Variants in STK39 observed in about 807,000 individuals in gnomAD.
The protein encoded by STK39 is STE20/SPS1-related proline-alanine-rich protein kinase.
STK39 carries 20 observed loss-of-function variants against 77.8 expected under a neutral mutation model. The observed-to-expected ratio is 0.26, with a 90% confidence interval of 0.18 to 0.37. The LOEUF (loss-of-function observed/expected upper bound fraction) is 0.37, where lower values mean the gene tolerates loss of function less well. Among genes scored for constraint, STK39 ranks in the 10% least tolerant of loss-of-function variants. The pLI is 1.00. For missense variants in STK39, 479 were observed against 656.5 expected (o/e 0.73, Z 2.95); for synonymous variants, 246 against 234.1 (o/e 1.05, Z -0.47).
intron 14 of STK39, among the ~76,000 whole-genome samples, chr2:168,034,780 A>C (rs546887632): frequency 7.5e-4 from 114 of 152,300 alleles, no homozygotes; most frequent in African/African-American, 2.0e-3. Context: ...TTGTATTCTG[A>C]ACATTAAAAA....
Position 168,241,340 on chromosome 2 carries a change from G to A in STK39, c.208+5888C>T, listed in dbSNP as rs193129455. Among the ~76,000 whole-genome samples the A allele has an allele frequency of 2.2e-4, 34 of 152,256 alleles. 1 individual carries two copies. The East Asian group carries it at 5.0e-3, about 22-fold the overall frequency. On this transcript the variant is annotated intron_variant, in intron 1 of 17. Coordinates refer to ENST00000355999, the MANE Select transcript of STK39 (RefSeq NM_013233.3). ...ATTTCCTGCCAGCATGGCAGCCTCC[G>A]GGCAAACTCAGAGGTGGAGGAAAAG... is the stretch of plus-strand genomic sequence containing the variant.
chr2:168,012,190 T>G (rs74494023), intron 16 of STK39, among the ~76,000 whole-genome samples: 2 of 144,512 alleles, frequency 1.4e-5, no homozygotes, highest in Admixed American at 1.4e-4. Flanking sequence ...TTAAATATGA[T>G]TTTTTTTTTT....
At chr2:168,233,448 A>C (rs1191958343) in intron 1 of STK39, among the ~76,000 whole-genome samples, 1 of 152,108 alleles carries the variant, frequency 6.6e-6, no homozygotes, top group Non-Finnish European at 1.5e-5. Flanking sequence ...TTTTTTTCCC[A>C]CCCCTCAGTC....
intron 2 of STK39, among the ~76,000 whole-genome samples, chr2:168,180,454 T>G (rs1344020640): frequency 6.6e-6 from 1 of 152,158 alleles, no homozygotes; most frequent in Non-Finnish European, 1.5e-5. Context: ...TTTTTAAATG[T>G]TAAAGTACAC....
chr2:168,112,209 G>A (rs1236520009), intron 10 of STK39, among the ~76,000 whole-genome samples: 1 of 152,020 alleles, frequency 6.6e-6, no homozygotes, highest in African/African-American at 2.4e-5. Context: ...ACAGAACTCA[G>A]TATCTCCTCT....
At chr2:168,178,389 A>T (rs1689004061) in intron 2 of STK39, among the ~76,000 whole-genome samples, 1 of 152,220 alleles carries the variant, frequency 6.6e-6, no homozygotes, top group African/African-American at 2.4e-5. Context: ...TAAATAAAAA[A>T]GGATTAGATT....
chr2:168,208,947 A>G (rs1689812915), intron 1 of STK39, among the ~76,000 whole-genome samples: 1 of 152,198 alleles, frequency 6.6e-6, no homozygotes, highest in African/African-American at 2.4e-5. Flanking sequence ...GTGTTGTGCT[A>G]ATCTCCTGTG....
At chr2:168,233,516 G>A (rs752713644) in intron 1 of STK39, among the ~76,000 whole-genome samples, 1 of 152,118 alleles carries the variant, frequency 6.6e-6, no homozygotes, top group African/African-American at 2.4e-5. Flanking sequence ...TGCTGAGTTA[G>A]AATTTCTATT....
intron 2 of STK39, among the ~76,000 whole-genome samples, chr2:168,177,978 T>C (rs1403608586): frequency 6.6e-6 from 1 of 152,090 alleles, no homozygotes; most frequent in South Asian, 2.1e-4. Flanking sequence ...AAAACAAAAA[T>C]GAAGAGACTC....
rs1464588885 is a variant in STK39 at position 168,163,715 on chromosome 2, T to C, written c.572+24A>G. On this transcript the variant is annotated intron_variant, in intron 4 of 17. Transcript: ENST00000355999. The stretch of plus-strand genomic sequence containing the variant: ...TCTTTAAGATATGAACATCTGAATT[T>C]AAACATCTCTGCAGAGGTCATACCT... 4.3e-6 allele frequency: 7 copies of C among 1,613,468 alleles called. No individual in the cohort carries two copies. The South Asian group carries it at 7.7e-5, about 18-fold the overall frequency.
At chr2:168,229,929 C>T (rs13386001) in intron 1 of STK39, among the ~76,000 whole-genome samples, 58,415 of 152,022 alleles carry the variant, frequency 0.38, 12,125 homozygotes, top group Non-Finnish European at 0.48. Flanking sequence ...GCCACTTCTA[C>T]AGCAAAAATC....
intron 16 of STK39, among the ~76,000 whole-genome samples, chr2:168,003,839 C>T (rs149414203): frequency 6.6e-6 from 1 of 152,316 alleles, no homozygotes; most frequent in African/African-American, 2.4e-5. Flanking sequence ...GTAATAAAGA[C>T]ACTATTTTAA....
intron 5 of STK39, among the ~76,000 whole-genome samples, chr2:168,153,557 C>G (rs1030218201): frequency 6.6e-6 from 1 of 151,554 alleles, no homozygotes; most frequent in Admixed American, 6.6e-5. Context: ...TAGGAGCACA[C>G]CTTGAGAGAG....
chr2:168,022,241 C>G (rs1227903485), intron 14 of STK39, among the ~76,000 whole-genome samples: 1 of 152,116 alleles, frequency 6.6e-6, no homozygotes, highest in Non-Finnish European at 1.5e-5. Flanking sequence ...GGTCATTTTG[C>G]ATAAATACAA....
At chr2:168,170,494 T>C (rs1688796420) in intron 2 of STK39, among the ~76,000 whole-genome samples, 1 of 152,226 alleles carries the variant, frequency 6.6e-6, no homozygotes, top group African/African-American at 2.4e-5. Context: ...CTAATTTGGA[T>C]GGGCATGCAG....
At chr2:168,233,722 C>CT (rs1204541519) in intron 1 of STK39, among the ~76,000 whole-genome samples, 1 of 152,210 alleles carries the variant, frequency 6.6e-6, no homozygotes, top group African/African-American at 2.4e-5. Context: ...TTCAGAACTT[C>CT]TTTGTAATTT....
chr2:168,063,322 T>C (rs1017097273), intron 14 of STK39, among the ~76,000 whole-genome samples, 178 bp downstream of exon 14: 5 of 152,236 alleles, frequency 3.3e-5, no homozygotes, highest in African/African-American at 7.2e-5. Flanking sequence ...TACTCTTCTT[T>C]AGCAAGCAAT....
At chr2:168,242,732 A>G (rs1690801229) in intron 1 of STK39, among the ~76,000 whole-genome samples, 1 of 150,408 alleles carries the variant, frequency 6.6e-6, no homozygotes, top group Non-Finnish European at 1.5e-5. Context: ...AAATAAAAAA[A>G]GAAAAAAAAA....
intron 17 of STK39, among the ~76,000 whole-genome samples, chr2:167,961,632 C>G (rs1017896551): frequency 2.6e-5 from 4 of 152,106 alleles, no homozygotes; most frequent in Admixed American, 6.5e-5. Context: ...AGCTGAAATG[C>G]CCTCTATGCC....
Sources: gnomAD v4.1 joint callset for allele counts (sites outside exome capture counted in the v4.1 genomes callset) on GRCh38, gnomAD v4.1.1 for gene constraint, MANE v1.5 for transcripts, NCBI Gene and HGNC (gene_info 2026-07-23, HGNC 2026-07-21) for gene names.